The following STYXL1 variants were observed in gnomAD, a reference collection of about 807,000 sequenced individuals.
STYXL1 encodes serine/threonine/tyrosine interacting like 1, also known as serine/threonine/tyrosine-interacting-like protein 1.
In STYXL1, 32 loss-of-function variants were observed where a neutral mutation model predicts 36.4. The observed-to-expected ratio is 0.88, with a 90% CI of 0.66 to 1.18. The LOEUF is 1.18. Among genes scored for constraint, STYXL1 ranks in the 50% most tolerant of loss-of-function variants. The pLI is 0.00. For synonymous variants in STYXL1, 133 were observed against 144.1 expected (o/e 0.92, Z 0.55); for missense variants, 354 against 394.1 (o/e 0.90, Z 0.86).
At position 76,000,965 on chromosome 7, in the gene STYXL1, A is replaced by G; in HGVS notation, c.735T>C (p.Phe245=). 1 of 1,614,186 alleles carries G rather than the reference A, an allele frequency of 6.2e-7. No individual in the cohort carries two copies. Among genetic ancestry groups the G allele is most frequent in the Middle Eastern group, 1.7e-4 (1 of 6,060 alleles). Residue 245 remains phenylalanine (F), a synonymous_variant, in exon 8 of 9, where the codon TTT becomes TTC. Coordinates refer to ENST00000359697, the MANE Select transcript of STYXL1 (RefSeq NM_001317785.2). ...AACTGCGGCTGATACCTTGGGTGGAAAAGATCAGAATGACAGAGCCAAGGT... is the reference window on the plus strand; with the variant it reads ...AACTGCGGCTGATACCTTGGGTGGAGAAGATCAGAATGACAGAGCCAAGGT... The part of the protein sequence containing the change: ...HHHLGSVILI[F]STQGISRSCA...
intron 1 of STYXL1, among the ~76,000 whole-genome samples, chr7:76,046,951 G>A (rs1763517136): frequency 6.6e-6 from 1 of 151,304 alleles, no homozygotes; most frequent in Non-Finnish European, 1.5e-5. Flanking sequence ...TTGCCTGGGG[G>A]TGTTGTTTAA....
In STYXL1 at chr7:76,038,848, G is replaced by A. The variant is rs538505542; in HGVS notation, c.-4-8321C>T. 3.4e-5 allele frequency among the ~76,000 whole-genome samples: 5 copies of A among 149,112 alleles called. 1 individual carries two copies. Among genetic ancestry groups the A allele is most frequent in the East Asian group, 3.9e-4 (2 of 5,164 alleles). On this transcript the variant is annotated intron_variant, in intron 1 of 8. Transcript: ENST00000359697. ...GTTGCCCAGGCTGGAGTGCAGTGGC[G>A]CGATCGTCACTCACTGCAGCCTCAA... is the stretch of plus-strand genomic sequence containing the variant.
At chr7:76,030,758 T>C (rs1227095087) in intron 1 of STYXL1, among the ~76,000 whole-genome samples, 1 of 148,136 alleles carries the variant, frequency 6.8e-6, no homozygotes, top group Non-Finnish European at 1.5e-5. Context: ...ACGCCTGTAA[T>C]CCCAGGACTT....
In STYXL1 at chr7:76,005,371, T is replaced by C. The variant is rs1360867649; in HGVS notation, c.487A>G (p.Ile163Val). 6.2e-7 allele frequency: 1 copy of C among 1,613,322 alleles called. No individual in the cohort carries two copies. The highest frequency in any genetic ancestry group is 8.5e-7 in the Non-Finnish European group (1 of 1,179,480). ...CCAACGAAGACCTTCCCTGGCACGA[T>C]TTCAATGGGGTATGGCTGAAATGCA... ...LDAFQPYPIE[I>V]VPGKVFVGNF... The change falls in exon 6 of 9, where the codon ATC (isoleucine) becomes GTC (valine). Residue 163 changes from isoleucine to valine, a missense_variant. Physicochemically the swap from Ile to Val is conservative, Grantham distance 29. Transcript: ENST00000359697.
chr7:76,045,621 C>T (rs3757595), intron 1 of STYXL1: 2,245 of 152,364 alleles, frequency 0.015, 66 homozygotes, highest in East Asian at 0.12. Context: ...TGCGTGAACC[C>T]GGAGGTGGAG....
At position 76,026,192 on chromosome 7, in the gene STYXL1, C is replaced by CAAAAAA. The variant is rs1159067824; in HGVS notation, c.165+2444_165+2449dup. Among the ~76,000 whole-genome samples the CAAAAAA allele has an allele frequency of 7.0e-4, 13 of 18,624 alleles. 4 individuals are homozygous for CAAAAAA. The highest frequency in any genetic ancestry group is 9.6e-4 in the Non-Finnish European group (11 of 11,488). 12.2% of individuals were successfully genotyped at this position (18,624 alleles called of 152,430 possible). A position where few individuals can be genotyped will look rare whatever the true frequency, so the allele number is the denominator to read the frequency against. On this transcript the variant is annotated intron_variant, in intron 3 of 8. Transcript: ENST00000359697. ...GGAGGACAGAGCAAGACTCTGTCTC[C>CAAAAAA]AAAAAAAAAAAAAAAAAAAAAAAAA... is the stretch of plus-strand genomic sequence containing the variant.
chr7:76,009,225 G>A (rs1005975872), intron 5 of STYXL1, among the ~76,000 whole-genome samples: 6 of 152,008 alleles, frequency 3.9e-5, no homozygotes, highest in African/African-American at 1.4e-4. Flanking sequence ...GAATATGCCC[G>A]AACTGGGCAC....
intron 3 of STYXL1, among the ~76,000 whole-genome samples, chr7:76,022,973 C>G (rs151253546): frequency 1.3e-5 from 2 of 151,990 alleles, no homozygotes; most frequent in Non-Finnish European, 2.9e-5. Flanking sequence ...AACAAACAAA[C>G]AAAAAACCTC....
At chr7:76,028,562 T>C (rs1368779285) in intron 3 of STYXL1, 80 bp downstream of exon 3, 2 of 1,322,632 alleles carry the variant, frequency 1.5e-6, no homozygotes, top group Admixed American at 3.6e-5. Context: ...GCCCGCTGGA[T>C]TGAGGGTGAA....
intron 4 of STYXL1, among the ~76,000 whole-genome samples, chr7:76,018,637 C>T (rs982912857): frequency 6.6e-6 from 1 of 152,288 alleles, no homozygotes; most frequent in East Asian, 1.9e-4. Context: ...GTGATCCTCC[C>T]GCCTTGGCCT....
intron 4 of STYXL1, among the ~76,000 whole-genome samples, chr7:76,015,682 C>T (rs998915714): frequency 6.6e-6 from 1 of 152,146 alleles, no homozygotes; most frequent in Non-Finnish European, 1.5e-5. Flanking sequence ...AACCAAACAA[C>T]CTCTGATGGT....
At chr7:76,046,754 G>A (rs1797156846) in intron 1 of STYXL1, among the ~76,000 whole-genome samples, 5 of 149,562 alleles carry the variant, frequency 3.3e-5, no homozygotes, top group Non-Finnish European at 4.4e-5. Context: ...GGGTTCAAGC[G>A]ATTCTCCTGC....
chr7:76,030,850 T>TAA lies in STYXL1; in HGVS notation c.-4-325_-4-324dup, dbSNP rs1160725857. On this transcript the variant is annotated intron_variant, in intron 1 of 8. Coordinates refer to ENST00000359697, the MANE Select transcript of STYXL1 (RefSeq NM_001317785.2). ...AACAATGGCAAGACCCCATCTCTAC[T>TAA]AAAAAAAAAAAAAAAAAAAAAAAAA... 7.0e-3 allele frequency among the ~76,000 whole-genome samples: 397 copies of TAA among 57,090 alleles called. 6 individuals carry two copies. Among genetic ancestry groups the TAA allele is most frequent in the African/African-American group, 0.026 (340 of 13,196 alleles). 37.5% of individuals were successfully genotyped at this position (57,090 alleles called of 152,430 possible). A position where few individuals can be genotyped will look rare whatever the true frequency, so the allele number is the denominator to read the frequency against.
In STYXL1 at chr7:76,013,891, A is replaced by G. The variant is rs537138292; in HGVS notation, c.308-4T>C. 1.1e-5 allele frequency: 17 copies of G among 1,607,246 alleles called. No homozygotes were observed. The South Asian group carries it at 1.7e-4, about 16-fold the overall frequency. The stretch of plus-strand genomic sequence containing the variant: ...ATGGCTGCTTGAGGCACAAGATCTG[A>G]GAGTGGAGACCAAAGACATGAATGT... On this transcript the variant is annotated splice_polypyrimidine_tract_variant and splice_region_variant and intron_variant, in intron 4 of 8. Transcript: ENST00000359697.
Position 76,021,227 on chromosome 7 carries a change from G to A in STYXL1, c.307+624C>T, listed in dbSNP as rs138989543. Among the ~76,000 whole-genome samples the A allele has an allele frequency of 7.7e-3, 1,165 of 152,082 alleles. 13 individuals are homozygous for A. Among genetic ancestry groups the A allele is most frequent in the African/African-American group, 0.025 (1,017 of 41,492 alleles). ...CAAGTAGCTAGCAGGGACTACAGGC[G>A]CCTGCCACCATGCCCGGCTAATTTT... is the stretch of plus-strand genomic sequence containing the variant. On this transcript the variant is annotated intron_variant, in intron 4 of 8. Coordinates refer to ENST00000359697, the MANE Select transcript of STYXL1 (RefSeq NM_001317785.2).
chr7:76,013,935 T>C (rs376888303), intron 4 of STYXL1, 48 bp from the exon 5 acceptor site: 106 of 1,564,616 alleles, frequency 6.8e-5, no homozygotes, highest in Non-Finnish European at 9.1e-5. Context: ...TATCTGCCAT[T>C]GGTCTAGAGC....
At position 76,022,011 on chromosome 7, in the gene STYXL1, C is replaced by T; in HGVS notation, c.166-19G>A. 1 of 1,597,286 alleles carries T rather than the reference C, an allele frequency of 6.3e-7. No homozygotes were observed. The highest frequency in any genetic ancestry group is 8.5e-7 in the Non-Finnish European group (1 of 1,178,030). ...TATTTTTCTTAAAAAAAAAAACACA[C>T]ACACACAAGAGAGGCCTGTTGGTGG... On this transcript the variant is annotated intron_variant, in intron 3 of 8. Coordinates refer to ENST00000359697, the MANE Select transcript of STYXL1 (RefSeq NM_001317785.2).
chr7:76,013,892 G>A lies in STYXL1; in HGVS notation c.308-5C>T. 1 of 1,606,930 alleles carries A rather than the reference G, an allele frequency of 6.2e-7. No individual in the cohort carries two copies. Among genetic ancestry groups the A allele is most frequent in the Admixed American group, 1.7e-5 (1 of 59,480 alleles). ...TGGCTGCTTGAGGCACAAGATCTGA[G>A]AGTGGAGACCAAAGACATGAATGTC... On this transcript the variant is annotated splice_polypyrimidine_tract_variant and splice_region_variant and intron_variant, in intron 4 of 8. Transcript: ENST00000359697.
chr7:76,032,638 G>T (rs1392162714), intron 1 of STYXL1, among the ~76,000 whole-genome samples: 1 of 152,148 alleles, frequency 6.6e-6, no homozygotes, highest in Admixed American at 6.6e-5. Context: ...GGAGGCAGAG[G>T]TTGCAGTGAG....
Sources: allele counts gnomAD v4.1 joint callset (sites outside exome capture counted in the v4.1 genomes callset), GRCh38; gene constraint gnomAD v4.1.1; transcripts MANE v1.5; gene names NCBI Gene and HGNC (gene_info 2026-07-23, HGNC 2026-07-21).